Variants in PIGG observed in about 807,000 individuals in gnomAD.
PIGG encodes phosphatidylinositol glycan anchor biosynthesis class G (EMM blood group).
A neutral mutation model predicts 83.2 loss-of-function variants in PIGG; 70 were observed. The observed-to-expected ratio is 0.84, with a 90% CI of 0.69 to 1.03. The LOEUF (loss-of-function observed/expected upper bound fraction) is 1.03, where lower values mean the gene tolerates loss of function less well. PIGG is among the 50% of genes least tolerant of loss of function. PIGG has a pLI of 0.00. For missense variants in PIGG, 1,257 were observed against 1,233.6 expected, an observed-to-expected ratio of 1.02 and a Z score of -0.28; for synonymous variants, 532 against 519.5, an observed-to-expected ratio of 1.02 and a Z score of -0.33.
In PIGG at chr4:523,462, C is replaced by A. The variant is rs768849981; in HGVS notation, c.1618C>A (p.Pro540Thr). ...AAGTGCACTTTCCTTTTCACAGAAC[C>A]CCATGCATCCCAGCTCAAGGTGGTC... is the stretch of plus-strand genomic sequence containing the variant. The part of the protein sequence containing the change: ...LVGGNTPRKN[P>T]MHPSSRWSEL... The change falls in exon 9 of 13, where the codon CCC becomes ACC. Residue 540 changes from proline to threonine, a missense_variant. Coordinates refer to ENST00000453061, the MANE Select transcript of PIGG (RefSeq NM_001127178.3). 6.3e-5 allele frequency: 101 copies of A among 1,601,168 alleles called. No individual in the cohort carries two copies. Among genetic ancestry groups the A allele is most frequent in the Non-Finnish European group, 8.3e-5 (97 of 1,171,506 alleles).
intron 6 of PIGG, among the ~76,000 whole-genome samples, chr4:516,607 C>T (rs1430915063): frequency 6.6e-6 from 1 of 152,070 alleles, no homozygotes; most frequent in Non-Finnish European, 1.5e-5. Context: ...CCTGTAATCC[C>T]AGCACTTTGG....
intron 6 of PIGG, among the ~76,000 whole-genome samples, chr4:517,363 C>T (rs1330877619): frequency 6.6e-6 from 1 of 152,104 alleles, no homozygotes; most frequent in African/African-American, 2.4e-5. Context: ...TGCTCACGTG[C>T]TGCGATATTG....
intron 9 of PIGG, chr4:525,798 A>T (rs1727419961): frequency 1.3e-5 from 2 of 152,196 alleles, no homozygotes; most frequent in South Asian, 4.1e-4. Context: ...TTTCCAGAGA[A>T]GCCCCGGAGA....
intron 2 of PIGG, among the ~76,000 whole-genome samples, 157 bp downstream of exon 2, chr4:500,758 C>T (rs568946397): frequency 3.3e-5 from 5 of 152,136 alleles, no homozygotes; most frequent in East Asian, 3.8e-4. Context: ...GAGCCTCACA[C>T]GGGATGGAAC....
In PIGG at chr4:508,919, G is replaced by A. The variant is rs1553881550; in HGVS notation, c.850G>A (p.Glu284Lys). The change falls in exon 5 of 13, where the codon GAG (glutamate) becomes AAG (lysine). Residue 284 changes from glutamate (E) to lysine (K), a missense_variant. Transcript: ENST00000453061. ...AAGTCACGGGGCCTCCTCCACCGAG[G>A]AGGTGAATACACCTCTGATTTTAAT... is the stretch of plus-strand genomic sequence containing the variant. ...TGSHGASSTE[E>K]VNTPLILISS... 1 of 1,613,736 alleles carries A rather than the reference G, an allele frequency of 6.2e-7. No individual in the cohort carries two copies. Among genetic ancestry groups the A allele is most frequent in the East Asian group, 2.2e-5 (1 of 44,872 alleles).
At chr4:503,204 T>C (rs1445416168) in intron 2 of PIGG, among the ~76,000 whole-genome samples, 2 of 152,166 alleles carry the variant, frequency 1.3e-5, no homozygotes, top group Admixed American at 1.3e-4. Context: ...GTATCTCCAC[T>C]GCCACCACCG....
chr4:504,442 C>T (rs988507008), intron 2 of PIGG, among the ~76,000 whole-genome samples: 4 of 152,144 alleles, frequency 2.6e-5, no homozygotes, highest in East Asian at 3.9e-4. Context: ...ACTGAGATTC[C>T]GTGTTTTTTC....
rs1717315941 is a variant in PIGG at position 500,606 on chromosome 4, G to A, written c.360+5G>A. 1 of 1,574,278 alleles carries A rather than the reference G, an allele frequency of 6.4e-7. No individual in the cohort carries two copies. Among genetic ancestry groups the A allele is most frequent in the Non-Finnish European group, 8.7e-7 (1 of 1,143,724 alleles). Reference sequence around the variant, plus strand: ...GTTACTATGCCTCGAATCAAGGTAAGTTTGCCTTAATGTTTTATGAATCAT... The same window carrying A: ...GTTACTATGCCTCGAATCAAGGTAAATTTGCCTTAATGTTTTATGAATCAT... On this transcript the variant is annotated splice_donor_5th_base_variant and intron_variant, in intron 2 of 12. Coordinates refer to ENST00000453061, the MANE Select transcript of PIGG (RefSeq NM_001127178.3).
intron 7 of PIGG, 152 bp from the exon 8 acceptor site, chr4:521,508 T>C: frequency 1.3e-6 from 1 of 777,382 alleles, no homozygotes; most frequent in Non-Finnish European, 2.0e-6. Flanking sequence ...GCCATGCATT[T>C]TGGGGCAGTT....
In PIGG at chr4:515,855, A is replaced by C. The variant is rs1723651463; in HGVS notation, c.902-118A>C. 6 of 767,290 alleles carry C rather than the reference A, an allele frequency of 7.8e-6. No homozygotes were observed. The highest frequency in any genetic ancestry group is 1.4e-5 in the Non-Finnish European group (6 of 439,896). 47.5% of individuals were successfully genotyped at this position (767,290 alleles called of 1,614,324 possible). A position where few individuals can be genotyped will look rare whatever the true frequency, so the allele number is the denominator to read the frequency against. Reference sequence around the variant, plus strand: ...GTGATTCCTGTACGATTCTGTGTTGAGTGGTGTGAAGAGACGGATCATTTG... The same window carrying C: ...GTGATTCCTGTACGATTCTGTGTTGCGTGGTGTGAAGAGACGGATCATTTG... On this transcript the variant is annotated intron_variant, in intron 5 of 12. Coordinates refer to ENST00000453061, the MANE Select transcript of PIGG (RefSeq NM_001127178.3). This position sits in a 1 kb window ranked among gnomAD's most constrained non-coding sequence, Gnocchi z 4.2.
At position 528,342 on chromosome 4, in the gene PIGG, C is replaced by T. The variant is rs1728224468; in HGVS notation, c.2261+1112C>T. ...CTTTTTACTTATTTTTGTATCTTAG[C>T]GATGTCTAGAGTTAATAAGTGTTGC... On this transcript the variant is annotated intron_variant, in intron 10 of 12. Coordinates refer to ENST00000453061, the MANE Select transcript of PIGG (RefSeq NM_001127178.3). This position sits in a 1 kb window ranked among gnomAD's most constrained non-coding sequence, Gnocchi z 4.8. 26 of 984,868 alleles carry T rather than the reference C, an allele frequency of 2.6e-5. No individual in the cohort carries two copies. In the South Asian group the frequency reaches 3.8e-4, roughly 14 times the overall value. The allele number at this position is 984,868 out of a possible 1,614,324, so 61.0% of individuals were successfully genotyped here.
chr4:501,179 T>G, intron 2 of PIGG: 1 of 455,812 alleles, frequency 2.2e-6, no homozygotes, highest in Non-Finnish European at 4.4e-6. Context: ...AAGTAAGCCT[T>G]TATTGATTGG....
intron 3 of PIGG, 136 bp downstream of exon 3, chr4:506,063 G>A (rs1719574711): frequency 4.6e-6 from 3 of 646,156 alleles, no homozygotes; most frequent in African/African-American, 1.8e-5. Flanking sequence ...ATGGACAGGT[G>A]TAAAAATTAT....
chr4:518,112 G>C (rs1193454890), intron 6 of PIGG, among the ~76,000 whole-genome samples: 1 of 152,168 alleles, frequency 6.6e-6, no homozygotes, highest in Non-Finnish European at 1.5e-5. Context: ...GTGTCTGGAG[G>C]CCCCACCGAG....
At chr4:534,233 C>T (rs575240079) in intron 12 of PIGG, among the ~76,000 whole-genome samples, 19 of 152,188 alleles carry the variant, frequency 1.2e-4, no homozygotes, top group African/African-American at 3.9e-4. Flanking sequence ...GACGGGGCCT[C>T]GCTGGGCTGC....
intron 10 of PIGG, 25 bp downstream of exon 10, chr4:527,255 G>A (rs547350881): frequency 3.9e-6 from 6 of 1,546,002 alleles, no homozygotes; most frequent in East Asian, 2.3e-5. Context: ...GACACGGGGT[G>A]CATAGAGCCA....
At chr4:506,311 C>T (rs1473874416) in intron 3 of PIGG, among the ~76,000 whole-genome samples, 7 of 152,192 alleles carry the variant, frequency 4.6e-5, no homozygotes, top group Non-Finnish European at 4.4e-5. Context: ...ACTCCACAGC[C>T]TGTTGGTTCT....
rs1728245305 is a variant in PIGG at position 528,429 on chromosome 4, GTGGGGCTCCGGGGGCACCCC to G, written c.2261+1203_2261+1222del. On this transcript the variant is annotated intron_variant, in intron 10 of 12. Transcript: ENST00000453061. This position sits in a 1 kb window ranked among gnomAD's most constrained non-coding sequence, Gnocchi z 4.8. ...GCTGTGGCCAGCCTGAGGGGTGGCCGTGGGGCTCCGGGGGCACCCCTGGAAGTACTTCCTGGCTGAGTGGG... is the reference window on the plus strand; with the variant it reads ...GCTGTGGCCAGCCTGAGGGGTGGCCGTGGAAGTACTTCCTGGCTGAGTGGG... The G allele has an allele frequency of 1.0e-6, 1 of 985,202 alleles. No individual in the cohort carries two copies. Among genetic ancestry groups the G allele is most frequent in the South Asian group, 4.7e-5 (1 of 21,294 alleles). The allele number at this position is 985,202 out of a possible 1,614,324, so 61.0% of individuals were successfully genotyped here. A position where few individuals can be genotyped will look rare whatever the true frequency, so the allele number is the denominator to read the frequency against.
chr4:528,732 G>A lies in PIGG; in HGVS notation c.2261+1502G>A. On this transcript the variant is annotated intron_variant, in intron 10 of 12. Coordinates refer to ENST00000453061, the MANE Select transcript of PIGG (RefSeq NM_001127178.3). The surrounding 1 kb of genome is among the most constrained non-coding windows in gnomAD (Gnocchi z 4.8). ...TCATTTCCTCACAGATCTATACACT[G>A]AATTTCAGCATCACTCATCTCAAGA... 1 of 985,170 alleles carries A rather than the reference G, an allele frequency of 1.0e-6. No individual in the cohort carries two copies. The highest frequency in any genetic ancestry group is 1.2e-6 in the Non-Finnish European group (1 of 829,736). 61.0% of individuals were successfully genotyped at this position (985,170 alleles called of 1,614,324 possible).
Sources: gnomAD v4.1 joint callset for allele counts (sites outside exome capture counted in the v4.1 genomes callset) on GRCh38, gnomAD v4.1.1 for gene constraint, Gnocchi (gnomAD v3.1) non-coding constraint, MANE v1.5 for transcripts, NCBI Gene and HGNC (gene_info 2026-07-23, HGNC 2026-07-21) for gene names.